The following IL17RE variants were observed in gnomAD, a reference collection of about 807,000 sequenced individuals.
The protein encoded by IL17RE is interleukin-17 receptor E.
IL17RE carries 47 observed loss-of-function variants against 70.7 expected under a neutral mutation model. The observed-to-expected ratio is 0.67, with a 90% CI of 0.53 to 0.85. The LOEUF (loss-of-function observed/expected upper bound fraction) is 0.85, where lower values mean the gene tolerates loss of function less well. Ranked by LOEUF, IL17RE falls within the 40% of genes least tolerant of loss-of-function variation. The pLI, the probability that IL17RE is intolerant of heterozygous loss-of-function variation, is 0.00. For synonymous variants in IL17RE, 372 were observed against 381.2 expected, an observed-to-expected ratio of 0.98 and a Z score of 0.28; for missense variants, 850 against 893.9, an observed-to-expected ratio of 0.95 and a Z score of 0.63.
At chr3:9,907,161 C>T in intron 6 of IL17RE, 61 bp downstream of exon 6, 1 of 1,599,288 alleles carries the variant, frequency 6.3e-7, no homozygotes, top group Non-Finnish European at 8.5e-7. Context: ...AAGAGGCCAC[C>T]CATTGTACAA....
At chr3:9,903,939 G>C in intron 2 of IL17RE, 93 bp from the exon 3 acceptor site, 1 of 1,477,924 alleles carries the variant, frequency 6.8e-7, no homozygotes, top group East Asian at 2.3e-5. Context: ...ATACTTCCAG[G>C]ATGTGACAGA....
In IL17RE at chr3:9,915,101, G is replaced by A. The variant is rs566810853; in HGVS notation, c.1448-150G>A. ...AGCCCATAAGCACCCTATAGGCTAGGGCTGTTTTCGGTACCAACCCCCAGA... is the reference window on the plus strand; with the variant it reads ...AGCCCATAAGCACCCTATAGGCTAGAGCTGTTTTCGGTACCAACCCCCAGA... On this transcript the variant is annotated intron_variant, in intron 15 of 15. Transcript: ENST00000383814. This position sits in a 1 kb window ranked among gnomAD's most constrained non-coding sequence, Gnocchi z 4.9. 9.0e-6 allele frequency: 10 copies of A among 1,116,454 alleles called. No homozygotes were observed. The East Asian group carries it at 1.2e-4, about 14-fold the overall frequency. 69.2% of individuals were successfully genotyped at this position (1,116,454 alleles called of 1,614,324 possible).
chr3:9,906,501 C>T (rs765712551), intron 4 of IL17RE, 40 bp downstream of exon 4: 1 of 1,486,416 alleles, frequency 6.7e-7, no homozygotes, highest in Non-Finnish European at 9.4e-7. Context: ...TGACGCCCCA[C>T]AGACCTTTGC....
chr3:9,915,246 AC>A lies in IL17RE; in HGVS notation c.1448-3del. 1.4e-6 allele frequency: 2 copies of A among 1,382,418 alleles called. No individual in the cohort carries two copies. Among genetic ancestry groups the A allele is most frequent in the South Asian group, 1.7e-5 (1 of 58,122 alleles). The allele number at this position is 1,382,418 out of a possible 1,614,324, so 85.6% of individuals were successfully genotyped here. On this transcript the variant is annotated splice_polypyrimidine_tract_variant and splice_region_variant and intron_variant, in intron 15 of 15. Transcript: ENST00000383814. This position sits in a 1 kb window ranked among gnomAD's most constrained non-coding sequence, Gnocchi z 4.9. ...CAGCCTTCATCTGTTGCTTCCCGCC[AC>A]CAGGCCCGGGCCCAGCGCGGCCAGT...
intron 6 of IL17RE, among the ~76,000 whole-genome samples, chr3:9,907,865 C>T (rs2082796620): frequency 6.6e-6 from 1 of 152,140 alleles, no homozygotes; most frequent in Non-Finnish European, 1.5e-5. Flanking sequence ...GCAGGGACTG[C>T]TGTTGAACCC....
intron 3 of IL17RE, 34 bp downstream of exon 3, chr3:9,904,185 G>T (rs2082700541): frequency 1.2e-6 from 2 of 1,608,684 alleles, no homozygotes; most frequent in African/African-American, 2.7e-5. Flanking sequence ...CATTCTCAGT[G>T]AAGAGAACAT....
chr3:9,914,075 C>G, intron 13 of IL17RE, 51 bp downstream of exon 13: 1 of 1,385,670 alleles, frequency 7.2e-7, no homozygotes, highest in East Asian at 2.3e-5. Context: ...ATCTGCTCCC[C>G]TAGTGGCACC....
At chr3:9,908,198 T>C (rs1326755346) in intron 6 of IL17RE, 41 bp from the exon 7 acceptor site, 32 of 1,568,160 alleles carry the variant, frequency 2.0e-5, no homozygotes, top group Non-Finnish European at 2.7e-5. Flanking sequence ...CCATGCTCTT[T>C]CTCAGGCATC....
intron 7 of IL17RE, 103 bp downstream of exon 7, chr3:9,908,410 C>G (rs1317559034): frequency 4.2e-5 from 39 of 934,248 alleles, no homozygotes; most frequent in Non-Finnish European, 6.8e-6. Context: ...TTTAAAAAGA[C>G]TGAGTGTTAC....
Position 9,904,102 on chromosome 3 carries a change from C to G in IL17RE, c.219C>G (p.Val73=). ...CCACAAAGCCTTGGTGTGTGCGAGT[C>G]TGGCACTGTTCCCGCTGTTTGTGCC... The part of the protein sequence containing the change: ...LFSTKPWCVR[V]WHCSRCLCQH... The change falls in exon 3 of 16, where the codon GTC becomes GTG. Residue 73 remains valine, a synonymous_variant. Transcript: ENST00000383814. 6.2e-7 allele frequency: 1 copy of G among 1,614,232 alleles called. No individual in the cohort carries two copies. The highest frequency in any genetic ancestry group is 8.5e-7 in the Non-Finnish European group (1 of 1,180,044).
At chr3:9,911,402 A>C (rs1344485072) in intron 11 of IL17RE, 41 bp from the exon 12 acceptor site, 4 of 1,612,916 alleles carry the variant, frequency 2.5e-6, no homozygotes, top group Non-Finnish European at 3.4e-6. Flanking sequence ...TCATCACCCA[A>C]AGCCCAACTC....
Position 9,903,968 on chromosome 3 carries a change from C to T in IL17RE, c.149-64C>T. 1.9e-6 allele frequency: 3 copies of T among 1,592,022 alleles called. No individual in the cohort carries two copies. The South Asian group carries it at 3.3e-5, about 18-fold the overall frequency. The stretch of plus-strand genomic sequence containing the variant: ...TGACAGAGCTTGGCCTCAAATCCAG[C>T]TTGTTGGAGGTAGGAGGGACCTTCT... On this transcript the variant is annotated intron_variant, in intron 2 of 15. Transcript: ENST00000383814.
chr3:9,913,779 G>A (rs377118387), intron 12 of IL17RE, among the ~76,000 whole-genome samples, 177 bp from the exon 13 acceptor site: 1 of 152,258 alleles, frequency 6.6e-6, no homozygotes, highest in Non-Finnish European at 1.5e-5. Flanking sequence ...TGAGCTCTGG[G>A]AAAGATCAGT....
intron 11 of IL17RE, 51 bp downstream of exon 11, chr3:9,911,351 A>G: frequency 6.2e-7 from 1 of 1,613,130 alleles, no homozygotes; most frequent in Non-Finnish European, 8.5e-7. Flanking sequence ...TTTCATCCTC[A>G]CCCAACTGTA....
Position 9,915,449 on chromosome 3 carries a change from C to A in IL17RE, c.1646C>A (p.Ala549Glu), listed in dbSNP as rs767754203. 3 of 1,351,410 alleles carry A rather than the reference C, an allele frequency of 2.2e-6. No homozygotes were observed. The highest frequency in any genetic ancestry group is 3.8e-5 in the South Asian group (2 of 53,024). 83.7% of individuals were successfully genotyped at this position (1,351,410 alleles called of 1,614,324 possible). ...PWLWAARTRV[A>E]REQGTVLLLW... Reference sequence around the variant, plus strand: ...CTCTGGGCGGCGCGGACGCGCGTAGCGCGGGAGCAGGGCACTGTGCTGCTG... The same window carrying A: ...CTCTGGGCGGCGCGGACGCGCGTAGAGCGGGAGCAGGGCACTGTGCTGCTG... Residue 549 changes from alanine (A) to glutamate (E), a missense_variant, in exon 16 of 16, where the codon GCG (alanine) becomes GAG (glutamate). Ala to Glu is a moderately radical substitution (Grantham distance 107). Coordinates refer to ENST00000383814, the MANE Select transcript of IL17RE (RefSeq NM_153480.2). This position sits in a 1 kb window ranked among gnomAD's most constrained non-coding sequence, Gnocchi z 4.9.
intron 6 of IL17RE, among the ~76,000 whole-genome samples, chr3:9,907,663 G>T (rs1300855842): frequency 6.6e-6 from 1 of 152,162 alleles, no homozygotes; most frequent in Non-Finnish European, 1.5e-5. Context: ...AGCCTTTTCA[G>T]CTCCCCTAAG....
In IL17RE at chr3:9,915,850, A is replaced by C. The variant is rs552625897; in HGVS notation, c.*43A>C. ...TCCCGGGTGTCTGCGGCCGCAACGC[A>C]ACGGACACTGGCTGGAACCCCGGAA... On this transcript the variant is annotated 3_prime_UTR_variant, in exon 16 of 16. Coordinates refer to ENST00000383814, the MANE Select transcript of IL17RE (RefSeq NM_153480.2). The surrounding 1 kb of genome is among the most constrained non-coding windows in gnomAD (Gnocchi z 4.9). 2 of 1,459,880 alleles carry C rather than the reference A, an allele frequency of 1.4e-6. No individual in the cohort carries two copies. The highest frequency in any genetic ancestry group is 1.5e-5 in the African/African-American group (1 of 67,726). The allele number at this position is 1,459,880 out of a possible 1,614,324, so 90.4% of individuals were successfully genotyped here. A position where few individuals can be genotyped will look rare whatever the true frequency, so the allele number is the denominator to read the frequency against.
At chr3:9,908,497 C>T (rs1186175175) in intron 7 of IL17RE, among the ~76,000 whole-genome samples, 190 bp downstream of exon 7, 1 of 152,236 alleles carries the variant, frequency 6.6e-6, no homozygotes, top group Non-Finnish European at 1.5e-5. Flanking sequence ...TGCTGCTGAA[C>T]ATTGGACCTT....
intron 3 of IL17RE, 47 bp downstream of exon 3, chr3:9,904,198 T>A: frequency 6.2e-7 from 1 of 1,605,798 alleles, no homozygotes; most frequent in Middle Eastern, 1.7e-4. Flanking sequence ...GAGAACATTT[T>A]GAGGGACCAC....
Sources: allele counts gnomAD v4.1 joint callset (sites outside exome capture counted in the v4.1 genomes callset), GRCh38; gene constraint gnomAD v4.1.1; non-coding constraint Gnocchi (gnomAD v3.1); transcripts MANE v1.5; gene names NCBI Gene and HGNC (gene_info 2026-07-23, HGNC 2026-07-21).